The following GRB14 variants were observed in gnomAD, a reference collection of about 807,000 sequenced individuals.
GRB14 encodes the protein growth factor receptor bound protein 14, also known as growth factor receptor-bound protein 14.
In GRB14, 38 loss-of-function variants were observed where a neutral mutation model predicts 69.1. The ratio of observed to expected loss-of-function variants is 0.55; its 90% confidence interval spans 0.42 to 0.72. GRB14 has a LOEUF of 0.72. Among genes scored for constraint, GRB14 ranks in the 30% least tolerant of loss-of-function variants. The pLI, the probability that GRB14 is intolerant of heterozygous loss-of-function variation, is 0.00. For synonymous variants in GRB14, 247 were observed against 241.3 expected, an observed-to-expected ratio of 1.02 and a Z score of -0.22; for missense variants, 666 against 666.1, an observed-to-expected ratio of 1.00 and a Z score of 0.00.
At chr2:164,594,666 G>A (rs973984202) in intron 2 of GRB14, among the ~76,000 whole-genome samples, 1 of 152,116 alleles carries the variant, frequency 6.6e-6, no homozygotes, top group Admixed American at 6.5e-5. Flanking sequence ...AATGGAAGTC[G>A]CCACATTTAA....
intron 2 of GRB14, among the ~76,000 whole-genome samples, chr2:164,551,189 T>C (rs1476068450): frequency 6.6e-6 from 1 of 152,224 alleles, no homozygotes; most frequent in African/African-American, 2.4e-5. Context: ...GTTTTCTATA[T>C]TGACTAATCA....
chr2:164,512,654 T>C (rs1227540398), intron 6 of GRB14, among the ~76,000 whole-genome samples: 1 of 152,100 alleles, frequency 6.6e-6, no homozygotes, highest in African/African-American at 2.4e-5. Flanking sequence ...CATGAAGCAT[T>C]ATACCACAAG....
rs1022036000 is a variant in GRB14, at chr2:164,547,820, T to C, written c.325-4A>G. 1 of 1,589,408 alleles carries C rather than the reference T, an allele frequency of 6.3e-7. No individual in the cohort carries two copies. The highest frequency in any genetic ancestry group is 1.3e-5 in the African/African-American group (1 of 74,298). On this transcript the variant is annotated splice_polypyrimidine_tract_variant and splice_region_variant and intron_variant, in intron 2 of 13. Transcript: ENST00000263915. Reference sequence around the variant, plus strand: ...CTTCACTGTATACTTTAATCACCTGTGTAGGTAGAAACAAGAAAAAGACCT... The same window carrying C: ...CTTCACTGTATACTTTAATCACCTGCGTAGGTAGAAACAAGAAAAAGACCT...
intron 2 of GRB14, among the ~76,000 whole-genome samples, chr2:164,552,718 T>A (rs192833491): frequency 8.7e-4 from 133 of 152,288 alleles, no homozygotes; most frequent in African/African-American, 3.1e-3. Context: ...GATGTCAAGG[T>A]CTATTTGGAG....
intron 9 of GRB14, among the ~76,000 whole-genome samples, chr2:164,499,181 C>T (rs1050143156): frequency 2.6e-5 from 4 of 152,080 alleles, no homozygotes; most frequent in African/African-American, 7.2e-5. Context: ...TCTCAACTCC[C>T]TGGCAACATA....
chr2:164,611,100 G>A (rs910541125), intron 2 of GRB14, among the ~76,000 whole-genome samples: 2 of 152,220 alleles, frequency 1.3e-5, no homozygotes, highest in South Asian at 4.2e-4. Context: ...GGAGTCTAAT[G>A]AACAAAGGGT....
chr2:164,504,614 G>A (rs1024913302), intron 8 of GRB14, among the ~76,000 whole-genome samples: 4 of 152,132 alleles, frequency 2.6e-5, no homozygotes, highest in Admixed American at 1.3e-4. Flanking sequence ...ACAGGTTCCA[G>A]ATAAAGGGCC....
In GRB14 at chr2:164,521,375, AG is replaced by A. The variant is rs1357163660; in HGVS notation, c.816+604del. 1.3e-4 allele frequency among the ~76,000 whole-genome samples: 20 copies of A among 152,144 alleles called. No homozygotes were observed. The East Asian group carries it at 3.9e-3, about 29-fold the overall frequency. On this transcript the variant is annotated intron_variant, in intron 6 of 13. Coordinates refer to ENST00000263915, the MANE Select transcript of GRB14 (RefSeq NM_004490.3). The stretch of plus-strand genomic sequence containing the variant: ...TTTGGGGACTCAGGGAAAAGGTGGG[AG>A]GGGGTGAAGGATAAAAGACTATACA...
intron 6 of GRB14, among the ~76,000 whole-genome samples, chr2:164,512,677 C>G (rs1687370775): frequency 1.3e-5 from 2 of 152,092 alleles, no homozygotes; most frequent in African/African-American, 4.8e-5. Flanking sequence ...AATACATGCA[C>G]ACACATAAGA....
chr2:164,563,022 G>A (rs1222849659), intron 2 of GRB14, among the ~76,000 whole-genome samples: 2 of 152,128 alleles, frequency 1.3e-5, no homozygotes, highest in Non-Finnish European at 2.9e-5. Flanking sequence ...TCAAGGTTTA[G>A]CAAGAATGAG....
At chr2:164,535,410 CCTT>C (rs1169144777) in intron 3 of GRB14, among the ~76,000 whole-genome samples, 4 of 152,156 alleles carry the variant, frequency 2.6e-5, no homozygotes, top group Admixed American at 6.5e-5. Flanking sequence ...TCACCTGTGA[CCTT>C]CTGCCTGGAT....
chr2:164,530,929 C>T (rs1207942162), intron 3 of GRB14, among the ~76,000 whole-genome samples: 1 of 152,072 alleles, frequency 6.6e-6, no homozygotes, highest in East Asian at 1.9e-4. Flanking sequence ...AGCACAAAGA[C>T]CATTTGGTAG....
intron 12 of GRB14, among the ~76,000 whole-genome samples, chr2:164,495,537 T>C (rs1336182988): frequency 3.9e-5 from 6 of 152,204 alleles, no homozygotes; most frequent in Admixed American, 6.5e-5. Context: ...TGGATTCTTA[T>C]TCACTGGCAG....
intron 2 of GRB14, among the ~76,000 whole-genome samples, chr2:164,598,457 T>C (rs1386526211): frequency 6.6e-6 from 1 of 152,200 alleles, no homozygotes; most frequent in Admixed American, 6.5e-5. Context: ...TTTTCTAGTA[T>C]CTTTTACTAT....
At chr2:164,535,835 T>C (rs140541241) in intron 3 of GRB14, among the ~76,000 whole-genome samples, 35 of 152,302 alleles carry the variant, frequency 2.3e-4, no homozygotes, top group African/African-American at 8.4e-4. Flanking sequence ...ATTGTGACAC[T>C]TCAGCTTGAT....
At chr2:164,590,597 A>G (rs1302902672) in intron 2 of GRB14, among the ~76,000 whole-genome samples, 1 of 152,194 alleles carries the variant, frequency 6.6e-6, no homozygotes, top group Non-Finnish European at 1.5e-5. Flanking sequence ...ATCCTACACA[A>G]ATTGATATTC....
At chr2:164,529,341 C>A (rs1264654037) in intron 3 of GRB14, among the ~76,000 whole-genome samples, 1 of 152,056 alleles carries the variant, frequency 6.6e-6, no homozygotes, top group African/African-American at 2.4e-5. Context: ...GATGGCCAGT[C>A]GTGATGGTTG....
chr2:164,604,452 AT>A (rs1355781061), intron 2 of GRB14, among the ~76,000 whole-genome samples: 1 of 152,216 alleles, frequency 6.6e-6, no homozygotes, highest in African/African-American at 2.4e-5. Flanking sequence ...CATACAATAT[AT>A]TTTTAAATAA....
chr2:164,506,564 T>A (rs1191532761), intron 8 of GRB14, among the ~76,000 whole-genome samples: 1 of 152,150 alleles, frequency 6.6e-6, no homozygotes, highest in Non-Finnish European at 1.5e-5. Flanking sequence ...TCTCAAAAAA[T>A]TAAATGTACA....
Sources: gnomAD v4.1 joint callset for allele counts (sites outside exome capture counted in the v4.1 genomes callset) on GRCh38, gnomAD v4.1.1 for gene constraint, MANE v1.5 for transcripts, NCBI Gene and HGNC (gene_info 2026-07-23, HGNC 2026-07-21) for gene names.